The following CALN1 variants were observed in gnomAD, a reference collection of about 807,000 sequenced individuals.
CALN1 encodes the protein calneuron 1.
CALN1 carries 17 observed loss-of-function variants against 30.6 expected under a neutral mutation model. The ratio of observed to expected loss-of-function variants is 0.56; its 90% CI spans 0.38 to 0.83. The LOEUF is 0.83. CALN1 is among the 40% of genes least tolerant of loss of function. The pLI is 0.00. For synonymous variants in CALN1, 156 were observed against 131.4 expected, an observed-to-expected ratio of 1.19 and a Z score of -1.28; for missense variants, 291 against 354.9, an observed-to-expected ratio of 0.82 and a Z score of 1.45.
At chr7:72,327,602 T>C (rs1376458785) in intron 2 of CALN1, among the ~76,000 whole-genome samples, 1 of 152,166 alleles carries the variant, frequency 6.6e-6, no homozygotes, top group Non-Finnish European at 1.5e-5. Context: ...AGCTGTCGAA[T>C]TTGCACTTCT....
chr7:71,897,976 A>AAAC (rs1793624103), intron 5 of CALN1, among the ~76,000 whole-genome samples: 1 of 116,890 alleles, frequency 8.6e-6, no homozygotes, highest in African/African-American at 4.3e-5. Flanking sequence ...AAAAAACAAA[A>AAAC]AAAAAAAAAA....
intron 2 of CALN1, among the ~76,000 whole-genome samples, chr7:72,306,484 CA>C (rs1043148028): frequency 6.6e-6 from 1 of 152,022 alleles, no homozygotes; most frequent in African/African-American, 2.4e-5. Flanking sequence ...CAAACTCAAC[CA>C]ATTGTCAATC....
intron 5 of CALN1, among the ~76,000 whole-genome samples, chr7:72,008,611 T>G (rs2129529038): frequency 6.6e-6 from 1 of 151,472 alleles, no homozygotes; most frequent in African/African-American, 2.4e-5. Context: ...TAGACAATCA[T>G]CTGGCATATC....
chr7:71,859,522 T>C (rs1204011649), intron 5 of CALN1, among the ~76,000 whole-genome samples: 1 of 152,226 alleles, frequency 6.6e-6, no homozygotes, highest in Non-Finnish European at 1.5e-5. Context: ...GTTGACATCA[T>C]GACCCTTGGC....
At chr7:72,247,543 C>G (rs1248090008) in intron 3 of CALN1, among the ~76,000 whole-genome samples, 1 of 152,072 alleles carries the variant, frequency 6.6e-6, no homozygotes, top group Admixed American at 6.5e-5. Context: ...GCATGAGCCA[C>G]CGTGCCCGCC....
intron 2 of CALN1, among the ~76,000 whole-genome samples, chr7:72,308,876 C>T (rs1799847557): frequency 6.6e-6 from 1 of 152,128 alleles, no homozygotes. Context: ...GGCATGTATG[C>T]AAGTACCAAA....
chr7:72,167,971 C>T (rs1788647661), intron 3 of CALN1, among the ~76,000 whole-genome samples: 1 of 152,156 alleles, frequency 6.6e-6, no homozygotes, highest in South Asian at 2.1e-4. Flanking sequence ...AGATAACTTC[C>T]TAAGCACTCT....
At chr7:71,893,945 C>T (rs1238458635) in intron 5 of CALN1, among the ~76,000 whole-genome samples, 1 of 151,996 alleles carries the variant, frequency 6.6e-6, no homozygotes, top group Non-Finnish European at 1.5e-5. Flanking sequence ...TGTACTCCTT[C>T]CCATGATGCT....
chr7:72,053,236 C>T (rs1359789892), intron 4 of CALN1, among the ~76,000 whole-genome samples: 1 of 152,044 alleles, frequency 6.6e-6, no homozygotes, highest in African/African-American at 2.4e-5. Context: ...TCTCAAAAAA[C>T]AAACAAACAA....
At chr7:71,807,456 A>G (rs1308390731) in intron 6 of CALN1, among the ~76,000 whole-genome samples, 1 of 152,182 alleles carries the variant, frequency 6.6e-6, no homozygotes, top group Non-Finnish European at 1.5e-5. Context: ...TCTTAAACCT[A>G]AACACAAATC....
intron 3 of CALN1, among the ~76,000 whole-genome samples, chr7:72,144,803 C>T (rs904839582): frequency 2.0e-5 from 3 of 152,116 alleles, no homozygotes; most frequent in African/African-American, 4.8e-5. Flanking sequence ...CAAATTAGAA[C>T]TTAGGATTAA....
chr7:71,877,828 G>A (rs921307281), intron 5 of CALN1, among the ~76,000 whole-genome samples: 6 of 152,118 alleles, frequency 3.9e-5, no homozygotes, highest in East Asian at 1.9e-4. Flanking sequence ...ATGAATAGGC[G>A]AGAAAGTCCG....
At chr7:72,188,974 T>C (rs1241459435) in intron 3 of CALN1, among the ~76,000 whole-genome samples, 1 of 152,108 alleles carries the variant, frequency 6.6e-6, no homozygotes, top group Admixed American at 6.5e-5. Flanking sequence ...GCCTTCCTCC[T>C]ACGAGGACTC....
At chr7:72,031,764 CAG>C (rs1801457660) in intron 4 of CALN1, among the ~76,000 whole-genome samples, 2 of 117,222 alleles carry the variant, frequency 1.7e-5, no homozygotes, top group African/African-American at 6.7e-5. Context: ...TTTTTTGAGA[CAG>C]AAACTCGCTC....
intron 2 of CALN1, among the ~76,000 whole-genome samples, chr7:72,361,530 GAATTCATCTTTAACTC>G (rs1365555675): frequency 1.1e-4 from 17 of 152,118 alleles, no homozygotes; most frequent in Non-Finnish European, 4.4e-5. Context: ...ACAAAACAAA[GAATTCATCTTTAACTC>G]CAGAGATTAA....
At chr7:72,290,681 T>C (rs1384335418) in intron 2 of CALN1, among the ~76,000 whole-genome samples, 1 of 152,216 alleles carries the variant, frequency 6.6e-6, no homozygotes, top group African/African-American at 2.4e-5. Flanking sequence ...CTCTTTTTAA[T>C]TGTTCACATT....
intron 5 of CALN1, among the ~76,000 whole-genome samples, chr7:71,867,430 CTTATTTAT>C (rs140397448): frequency 4.0e-5 from 6 of 150,706 alleles, no homozygotes; most frequent in African/African-American, 1.2e-4. Context: ...TGCCTTTTTA[CTTATTTAT>C]TTATTTATTT....
rs116121333 is a variant in CALN1 at position 71,960,370 on chromosome 7, C to T, written c.501+63287G>A. ...AGTCCCCAGTATCTATCATTCCCTC[C>T]GTACATCCATCTGTACCCATTGTTT... On this transcript the variant is annotated intron_variant, in intron 5 of 6. Coordinates refer to ENST00000395275, the MANE Select transcript of CALN1 (RefSeq NM_031468.4). Among the ~76,000 whole-genome samples the T allele has an allele frequency of 8.9e-3, 1,358 of 152,140 alleles. 25 individuals carry two copies. Among genetic ancestry groups the T allele is most frequent in the African/African-American group, 0.031 (1,298 of 41,488 alleles).
intron 2 of CALN1, among the ~76,000 whole-genome samples, chr7:72,396,254 A>AAAG (rs1562945829): frequency 4.6e-4 from 36 of 78,138 alleles, no homozygotes; most frequent in African/African-American, 2.3e-3. Flanking sequence ...AAAAAAAAAA[A>AAAG]AAAGAAAGAA....
Sources: gnomAD v4.1 joint callset for allele counts (sites outside exome capture counted in the v4.1 genomes callset) on GRCh38, gnomAD v4.1.1 for gene constraint, MANE v1.5 for transcripts, NCBI Gene and HGNC (gene_info 2026-07-23, HGNC 2026-07-21) for gene names.